SNTG2: variants seen among roughly 807,000 people sequenced by gnomAD.
SNTG2 encodes the protein gamma-2-syntrophin.
A neutral mutation model predicts 70.9 loss-of-function variants in SNTG2; 74 were observed. The observed-to-expected ratio is 1.04, with a 90% CI of 0.86 to 1.27. The LOEUF (loss-of-function observed/expected upper bound fraction) is 1.27. Among genes scored for constraint, SNTG2 ranks in the 50% most tolerant of loss-of-function variants. The probability of loss-of-function intolerance (pLI) is 0.00; values close to 1 mark genes in which losing one functional copy is unlikely to be tolerated. For missense variants in SNTG2, 717 were observed against 690.7 expected (o/e 1.04, Z -0.43); for synonymous variants, 278 against 273.8 (o/e 1.02, Z -0.15).
chr2:1,252,373 G>T (rs528948241), intron 12 of SNTG2, among the ~76,000 whole-genome samples: 3 of 152,122 alleles, frequency 2.0e-5, no homozygotes, highest in Admixed American at 6.5e-5. Context: ...ATTACTTAAC[G>T]TCACCTGTAA....
At chr2:1,179,786 T>C (rs1671736224) in intron 8 of SNTG2, among the ~76,000 whole-genome samples, 1 of 147,184 alleles carries the variant, frequency 6.8e-6, no homozygotes, top group Non-Finnish European at 1.5e-5. Context: ...AGAACAAAGC[T>C]GGAGGCATCA....
chr2:1,149,849 G>A (rs1243948599), intron 6 of SNTG2, among the ~76,000 whole-genome samples: 16 of 150,398 alleles, frequency 1.1e-4, no homozygotes, highest in African/African-American at 3.2e-4. Context: ...CACCGCGCCT[G>A]GCTAATTTTT....
Position 1,155,086 on chromosome 2 carries a change from C to T in SNTG2, c.412-10462C>T, listed in dbSNP as rs533989209. ...CAAACCACACACACAGCACACACACCATACATTAAACATACACACATAACA... is the reference window on the plus strand; with the variant it reads ...CAAACCACACACACAGCACACACACTATACATTAAACATACACACATAACA... On this transcript the variant is annotated intron_variant, in intron 6 of 16. Coordinates refer to ENST00000308624, the MANE Select transcript of SNTG2 (RefSeq NM_018968.4). Among the ~76,000 whole-genome samples the T allele has an allele frequency of 6.7e-5, 10 of 149,792 alleles. 1 individual carries two copies. Among genetic ancestry groups the T allele is most frequent in the African/African-American group, 2.2e-4 (9 of 40,412 alleles).
intron 7 of SNTG2, among the ~76,000 whole-genome samples, chr2:1,168,809 G>T (rs545418964): frequency 2.0e-5 from 3 of 152,296 alleles, no homozygotes; most frequent in South Asian, 2.1e-4. Flanking sequence ...GACCTAGAGG[G>T]TTCTTGAGGA....
At chr2:1,219,664 A>C (rs997206611) in intron 9 of SNTG2, among the ~76,000 whole-genome samples, 1 of 150,808 alleles carries the variant, frequency 6.6e-6, no homozygotes, top group Non-Finnish European at 1.5e-5. Context: ...TTTTTTTTCT[A>C]AAACATAGAA....
chr2:1,301,660 A>G (rs775490482), intron 14 of SNTG2, among the ~76,000 whole-genome samples: 3 of 152,226 alleles, frequency 2.0e-5, no homozygotes, highest in African/African-American at 4.8e-5. Flanking sequence ...ATCAGACACT[A>G]CAGAGGCCAG....
intron 1 of SNTG2, among the ~76,000 whole-genome samples, chr2:975,384 T>C (rs1322031921): frequency 1.3e-5 from 2 of 151,530 alleles, no homozygotes; most frequent in African/African-American, 4.9e-5. Flanking sequence ...AACACGTGCT[T>C]GCACTCACAC....
rs1256046173 is a variant in SNTG2, at chr2:1,360,420, C to T, written c.1489-6923C>T. Reference sequence around the variant, plus strand: ...AGCCCAGCCTGTTCAGGAGAGCTCTCTCTGGGGTGTGTTCCTTCCAGCAGC... The same window carrying T: ...AGCCCAGCCTGTTCAGGAGAGCTCTTTCTGGGGTGTGTTCCTTCCAGCAGC... On this transcript the variant is annotated intron_variant, in intron 16 of 16. Coordinates refer to ENST00000308624, the MANE Select transcript of SNTG2 (RefSeq NM_018968.4). 1.3e-4 allele frequency among the ~76,000 whole-genome samples: 20 copies of T among 152,290 alleles called. No individual in the cohort carries two copies. In the East Asian group the frequency reaches 3.3e-3, roughly 25 times the overall value.
chr2:960,308 C>A (rs12994348), intron 1 of SNTG2, among the ~76,000 whole-genome samples: 1 of 152,340 alleles, frequency 6.6e-6, no homozygotes, highest in African/African-American at 2.4e-5. Flanking sequence ...GAATGCTGGG[C>A]TTCTGGGCCC....
chr2:1,161,942 C>T (rs369732904), intron 6 of SNTG2, among the ~76,000 whole-genome samples: 135 of 152,060 alleles, frequency 8.9e-4, no homozygotes, highest in African/African-American at 1.6e-3. Flanking sequence ...GGCGAGATGG[C>T]GGGCGCCTGT....
intron 16 of SNTG2, among the ~76,000 whole-genome samples, chr2:1,356,105 G>T (rs1182545720): frequency 6.6e-6 from 1 of 152,092 alleles, no homozygotes; most frequent in African/African-American, 2.4e-5. Flanking sequence ...GATTAGATAT[G>T]GTTTGTAGGT....
intron 14 of SNTG2, among the ~76,000 whole-genome samples, chr2:1,276,756 C>T (rs115167708): frequency 3.4e-3 from 525 of 152,196 alleles, no homozygotes; most frequent in Middle Eastern, 6.8e-3. Flanking sequence ...GATAGTGAAC[C>T]CTCTGATGAG....
Position 988,729 on chromosome 2 carries a change from A to AT in SNTG2, c.72+37672dup, listed in dbSNP as rs112364822. Among the ~76,000 whole-genome samples the AT allele has an allele frequency of 4.3e-3, 630 of 147,964 alleles. 6 individuals are homozygous for AT. The highest frequency in any genetic ancestry group is 0.04 in the East Asian group (201 of 5,072). On this transcript the variant is annotated intron_variant, in intron 1 of 16. Transcript: ENST00000308624. Reference sequence around the variant, plus strand: ...GGAAGTATATTCGCAATTTTATGGGATTTTTTTTTTTGCATTTTTATATAA... The same window carrying AT: ...GGAAGTATATTCGCAATTTTATGGGATTTTTTTTTTTTGCATTTTTATATAA...
chr2:967,900 G>T (rs184792970), intron 1 of SNTG2, among the ~76,000 whole-genome samples: 2 of 152,202 alleles, frequency 1.3e-5, no homozygotes, highest in Admixed American at 6.5e-5. Flanking sequence ...ATAGTGGCAG[G>T]CACCTGTAAT....
chr2:1,075,363 G>A (rs896666807), intron 1 of SNTG2, among the ~76,000 whole-genome samples: 6 of 152,136 alleles, frequency 3.9e-5, no homozygotes, highest in Non-Finnish European at 7.3e-5. Flanking sequence ...CAAAGACCCT[G>A]CTTTTATGGG....
At chr2:986,784 T>G (rs1661338283) in intron 1 of SNTG2, among the ~76,000 whole-genome samples, 1 of 152,216 alleles carries the variant, frequency 6.6e-6, no homozygotes, top group African/African-American at 2.4e-5. Flanking sequence ...ACAGATTGTG[T>G]TGTTTAAAGA....
At chr2:1,070,877 G>A (rs1041911384) in intron 1 of SNTG2, among the ~76,000 whole-genome samples, 6 of 152,222 alleles carry the variant, frequency 3.9e-5, no homozygotes, top group African/African-American at 1.4e-4. Context: ...ATTTTATACT[G>A]CAGCAAGCAT....
At chr2:1,002,102 G>A (rs556843633) in intron 1 of SNTG2, among the ~76,000 whole-genome samples, 3 of 152,088 alleles carry the variant, frequency 2.0e-5, no homozygotes, top group East Asian at 1.9e-4. Flanking sequence ...CACCATATAC[G>A]AAAGTTAACT....
At chr2:996,982 G>A (rs1661708163) in intron 1 of SNTG2, among the ~76,000 whole-genome samples, 1 of 152,032 alleles carries the variant, frequency 6.6e-6, no homozygotes, top group South Asian at 2.1e-4. Flanking sequence ...CCCTATGTGT[G>A]TCTGGTCATC....
Sources: gnomAD v4.1 joint callset for allele counts (sites outside exome capture counted in the v4.1 genomes callset) on GRCh38, gnomAD v4.1.1 for gene constraint, MANE v1.5 for transcripts, NCBI Gene and HGNC (gene_info 2026-07-23, HGNC 2026-07-21) for gene names.